The following FGD4 variants were observed in gnomAD, a reference collection of about 807,000 sequenced individuals.
The protein encoded by FGD4 is FYVE, RhoGEF and PH domain-containing protein 4.
FGD4 carries 42 observed loss-of-function variants against 102.0 expected under a neutral mutation model. That is an observed-to-expected ratio of 0.41 (90% CI 0.32 to 0.53). FGD4 has a LOEUF of 0.53. Ranked by LOEUF, FGD4 falls within the 20% of genes least tolerant of loss-of-function variation. The pLI is 0.21. For synonymous variants in FGD4, 380 were observed against 375.7 expected (o/e 1.01, Z -0.13); for missense variants, 902 against 1,078.2 (o/e 0.84, Z 2.29).
chr12:32,408,879 A>G (rs189313747), intron 1 of FGD4, among the ~76,000 whole-genome samples: 1 of 152,026 alleles, frequency 6.6e-6, no homozygotes, highest in African/African-American at 2.4e-5. Flanking sequence ...TGGTTCTTCA[A>G]CTTTCTTCCT....
intron 15 of FGD4, among the ~76,000 whole-genome samples, 178 bp from the exon 16 acceptor site, chr12:32,638,477 G>A (rs900621659): frequency 6.6e-6 from 1 of 152,190 alleles, no homozygotes; most frequent in African/African-American, 2.4e-5. Flanking sequence ...GTCTAGTTAC[G>A]TAAAGAGCTA....
chr12:32,420,170 T>G (rs1048866007), intron 1 of FGD4, among the ~76,000 whole-genome samples: 1 of 152,192 alleles, frequency 6.6e-6, no homozygotes, highest in Non-Finnish European at 1.5e-5. Context: ...GCTCTGCCCC[T>G]GTGGCTGCTG....
chr12:32,600,307 C>G (rs920631283), intron 5 of FGD4: 2 of 334,454 alleles, frequency 6.0e-6, no homozygotes, highest in Non-Finnish European at 1.1e-5. Context: ...AACTCGTCAG[C>G]CACTGCTGCT....
chr12:32,502,859 G>A (rs1211807810), intron 1 of FGD4, among the ~76,000 whole-genome samples: 1 of 152,204 alleles, frequency 6.6e-6, no homozygotes, highest in Non-Finnish European at 1.5e-5. Context: ...GCCTGAGCAT[G>A]TGGAAACAAT....
intron 1 of FGD4, among the ~76,000 whole-genome samples, chr12:32,524,794 C>T (rs1339470955): frequency 6.6e-6 from 1 of 150,774 alleles, no homozygotes; most frequent in African/African-American, 2.4e-5. Context: ...CACTGCGATC[C>T]ACCTGGGTGA....
intron 1 of FGD4, chr12:32,534,457 G>A (rs1178879430): frequency 1.3e-6 from 2 of 1,525,204 alleles, no homozygotes; most frequent in East Asian, 2.5e-5. Flanking sequence ...AACCAGAGTA[G>A]ATTAATTATC....
chr12:32,604,409 G>A (rs1948633165), intron 7 of FGD4, among the ~76,000 whole-genome samples: 1 of 152,188 alleles, frequency 6.6e-6, no homozygotes, highest in South Asian at 2.1e-4. Context: ...GGCTGGCCTT[G>A]AACTCCTGGG....
intron 1 of FGD4, among the ~76,000 whole-genome samples, chr12:32,536,352 A>G (rs1466336921): frequency 6.6e-6 from 1 of 152,242 alleles, no homozygotes; most frequent in East Asian, 1.9e-4. Context: ...GGTCAAGAGT[A>G]GATAGGAGAC....
At chr12:32,595,310 A>G (rs150315546) in intron 4 of FGD4, among the ~76,000 whole-genome samples, 342 of 152,300 alleles carry the variant, frequency 2.2e-3, no homozygotes, top group African/African-American at 7.8e-3. Context: ...AGTATCCTGC[A>G]TATGTATCAT....
At chr12:32,466,213 C>G (rs1046759306) in intron 1 of FGD4, among the ~76,000 whole-genome samples, 6 of 152,106 alleles carry the variant, frequency 3.9e-5, no homozygotes, top group African/African-American at 1.4e-4. Context: ...TTGCGACTAG[C>G]TTTGAGATAT....
intron 1 of FGD4, among the ~76,000 whole-genome samples, chr12:32,499,165 A>G (rs1592020415): frequency 6.6e-6 from 1 of 152,342 alleles, no homozygotes; most frequent in East Asian, 1.9e-4. Flanking sequence ...TGGCTGCAAC[A>G]GCAGATATTC....
chr12:32,560,116 C>A lies in FGD4; in HGVS notation c.167-4021C>A, dbSNP rs144905136. Among the ~76,000 whole-genome samples the A allele has an allele frequency of 1.6e-4, 25 of 152,246 alleles. No individual in the cohort carries two copies. The East Asian group carries it at 4.8e-3, about 29-fold the overall frequency. On this transcript the variant is annotated intron_variant, in intron 1 of 16. Coordinates refer to ENST00000534526, the MANE Select transcript of FGD4 (RefSeq NM_001370298.3). ...ACTGTGAAAAAGCATCCAGATTTTC[C>A]CCCTGAAAGGCCAAGTGGTTGCATG...
chr12:32,495,371 A>G (rs1937732757), intron 1 of FGD4, among the ~76,000 whole-genome samples: 1 of 152,184 alleles, frequency 6.6e-6, no homozygotes, highest in African/African-American at 2.4e-5. Context: ...AAAAGAACCC[A>G]GGGCATTTAT....
chr12:32,441,669 T>G (rs1202686296), intron 1 of FGD4, among the ~76,000 whole-genome samples: 1 of 152,046 alleles, frequency 6.6e-6, no homozygotes, highest in Non-Finnish European at 1.5e-5. Flanking sequence ...AGTTTGTATC[T>G]TAGTATGTTG....
At chr12:32,463,444 T>C (rs558603254) in intron 1 of FGD4, among the ~76,000 whole-genome samples, 2 of 152,364 alleles carry the variant, frequency 1.3e-5, no homozygotes, top group Admixed American at 6.5e-5. Flanking sequence ...TATAATGCAA[T>C]AAAGTATCAT....
intron 1 of FGD4, among the ~76,000 whole-genome samples, chr12:32,539,088 A>C (rs1659846205): frequency 6.6e-6 from 1 of 152,062 alleles, no homozygotes; most frequent in African/African-American, 2.4e-5. Context: ...TAAGAAAAAG[A>C]GGTCCTTAAT....
At chr12:32,473,430 G>T (rs995824063) in intron 1 of FGD4, among the ~76,000 whole-genome samples, 1 of 151,972 alleles carries the variant, frequency 6.6e-6, no homozygotes, top group East Asian at 1.9e-4. Context: ...AACAACTCCA[G>T]ACGCGCCGCC....
At chr12:32,487,682 C>T (rs1381573426) in intron 1 of FGD4, among the ~76,000 whole-genome samples, 2 of 152,216 alleles carry the variant, frequency 1.3e-5, no homozygotes, top group Non-Finnish European at 2.9e-5. Flanking sequence ...CCGCCTTTGC[C>T]TCCCAAAATG....
chr12:32,480,712 G>C (rs1290919083), intron 1 of FGD4, among the ~76,000 whole-genome samples: 1 of 151,208 alleles, frequency 6.6e-6, no homozygotes, highest in Admixed American at 6.6e-5. Context: ...TGTTGGCCAG[G>C]ATGCTCTTGC....
Sources: allele counts gnomAD v4.1 joint callset (sites outside exome capture counted in the v4.1 genomes callset), GRCh38; gene constraint gnomAD v4.1.1; transcripts MANE v1.5; gene names NCBI Gene and HGNC (gene_info 2026-07-23, HGNC 2026-07-21).